Variants in PLB1 observed in about 807,000 individuals in gnomAD.
PLB1 encodes phospholipase B1, membrane-associated.
Under a neutral mutation model 227.4 loss-of-function variants are expected in PLB1, and 242 were observed. The ratio of observed to expected loss-of-function variants is 1.06; its 90% CI spans 0.96 to 1.18. The LOEUF is 1.18. Ranked by LOEUF, PLB1 falls within the 50% of genes most tolerant of loss-of-function variation. PLB1 has a pLI of 0.00. For synonymous variants in PLB1, 757 were observed against 682.2 expected, an observed-to-expected ratio of 1.11 and a Z score of -1.71; for missense variants, 1,858 against 1,816.3, an observed-to-expected ratio of 1.02 and a Z score of -0.42.
At chr2:28,547,796 T>C (rs1673527323) in intron 14 of PLB1, among the ~76,000 whole-genome samples, 1 of 152,218 alleles carries the variant, frequency 6.6e-6, no homozygotes, top group Non-Finnish European at 1.5e-5. Context: ...CTATTGCATT[T>C]TTCTTTGTAA....
intron 1 of PLB1, among the ~76,000 whole-genome samples, chr2:28,498,338 C>T (rs1379324986): frequency 2.0e-5 from 3 of 151,790 alleles, no homozygotes; most frequent in Non-Finnish European, 4.4e-5. Flanking sequence ...ATCCTCCCAC[C>T]TCAGCCTCCC....
At chr2:28,558,927 A>G (rs557230306) in intron 17 of PLB1, among the ~76,000 whole-genome samples, 1 of 152,216 alleles carries the variant, frequency 6.6e-6, no homozygotes, top group Non-Finnish European at 1.5e-5. Context: ...GTCTCACTAT[A>G]TTGCCCAGGC....
chr2:28,588,189 C>T (rs1469915907), intron 26 of PLB1, among the ~76,000 whole-genome samples: 1 of 152,206 alleles, frequency 6.6e-6, no homozygotes, highest in Non-Finnish European at 1.5e-5. Flanking sequence ...ACTCTACACA[C>T]TATTTCTTTC....
At chr2:28,611,718 C>A (rs982577839) in intron 43 of PLB1, among the ~76,000 whole-genome samples, 1 of 152,132 alleles carries the variant, frequency 6.6e-6, no homozygotes, top group African/African-American at 2.4e-5. Flanking sequence ...TCAGGGAATG[C>A]TTACTGTTAA....
chr2:28,638,833 A>G, intron 56 of PLB1, among the ~76,000 whole-genome samples: 1 of 151,084 alleles, frequency 6.6e-6, no homozygotes, highest in South Asian at 2.1e-4. Context: ...GATTGAAAAA[A>G]AAAAAAAAAA....
At chr2:28,602,357 C>T (rs1306270131) in intron 38 of PLB1, among the ~76,000 whole-genome samples, 3 of 152,198 alleles carry the variant, frequency 2.0e-5, no homozygotes, top group East Asian at 3.8e-4. Flanking sequence ...GCAGCACATT[C>T]CCCCTCCACC....
At chr2:28,601,474 C>CACACACAT in intron 37 of PLB1, 142 bp downstream of exon 37, 1 of 630,460 alleles carries the variant, frequency 1.6e-6, no homozygotes, top group Non-Finnish European at 2.8e-6. Context: ...ACATACCACA[C>CACACACAT]ACACACACAC....
At chr2:28,640,620 G>A (rs11679188) in intron 56 of PLB1, among the ~76,000 whole-genome samples, 47,020 of 152,048 alleles carry the variant, frequency 0.31, 7,577 homozygotes, top group Non-Finnish European at 0.36. Context: ...CAGCCCCTCC[G>A]CAGACTTCCT....
chr2:28,626,428 G>T lies in PLB1; in HGVS notation c.3580G>T (p.Asp1194Tyr). ...AACTCAGGATCTTCTGTCCCCTCAG[G>T]ACATCAACCTGGAGAAAGACTGGAA... Reference protein sequence around the residue: ...DLVERMKNSPDINLEKDWKLV... With the variant: ...DLVERMKNSPYINLEKDWKLV... Residue 1194 changes from aspartate (D) to tyrosine (Y), a missense_variant and splice_region_variant, in exon 51 of 58, where the codon GAC (aspartate) becomes TAC (tyrosine). Coordinates refer to ENST00000327757, the MANE Select transcript of PLB1 (RefSeq NM_153021.5). 2 of 1,613,910 alleles carry T rather than the reference G, an allele frequency of 1.2e-6. No individual in the cohort carries two copies. The highest frequency in any genetic ancestry group is 8.5e-7 in the Non-Finnish European group (1 of 1,179,786).
rs187379579 is a variant in PLB1 at position 28,592,970 on chromosome 2, T to C, written c.2247+251T>C. Among the ~76,000 whole-genome samples the C allele has an allele frequency of 1.7e-4, 26 of 152,366 alleles. No homozygotes were observed. The East Asian group carries it at 3.3e-3, about 19-fold the overall frequency. On this transcript the variant is annotated intron_variant, in intron 32 of 57. Coordinates refer to ENST00000327757, the MANE Select transcript of PLB1 (RefSeq NM_153021.5). ...AGATTTTGAACACCCAATAACACTT[T>C]TTTAATATATGTAAAAATATGTCAT...
intron 49 of PLB1, among the ~76,000 whole-genome samples, chr2:28,621,558 A>G (rs888783239): frequency 3.9e-5 from 6 of 152,224 alleles, no homozygotes; most frequent in Non-Finnish European, 7.3e-5. Context: ...AACAACTCAG[A>G]TAATTAAAGC....
intron 14 of PLB1, among the ~76,000 whole-genome samples, chr2:28,545,558 C>T (rs555174011): frequency 6.6e-6 from 1 of 152,108 alleles, no homozygotes; most frequent in Non-Finnish European, 1.5e-5. Flanking sequence ...TGAGGCAAGT[C>T]ACACGGTCTT....
At chr2:28,502,722 C>T (rs1443747731) in intron 1 of PLB1, among the ~76,000 whole-genome samples, 1 of 152,056 alleles carries the variant, frequency 6.6e-6, no homozygotes, top group Non-Finnish European at 1.5e-5. Context: ...GATTTGGGTA[C>T]CAATGTTTTA....
At chr2:28,535,840 A>C (rs1040009239) in intron 9 of PLB1, among the ~76,000 whole-genome samples, 2 of 152,118 alleles carry the variant, frequency 1.3e-5, no homozygotes, top group African/African-American at 4.8e-5. Context: ...AGAATCACTA[A>C]ACCCAGGAAG....
chr2:28,557,208 C>T (rs1675281509), intron 17 of PLB1, among the ~76,000 whole-genome samples: 1 of 152,174 alleles, frequency 6.6e-6, no homozygotes, highest in Admixed American at 6.5e-5. Context: ...TTTTCATCAT[C>T]TAAAACTTCG....
At chr2:28,545,421 A>C (rs1048021390) in intron 14 of PLB1, among the ~76,000 whole-genome samples, 2 of 152,170 alleles carry the variant, frequency 1.3e-5, no homozygotes, top group Admixed American at 6.5e-5. Flanking sequence ...GCTGGAACAC[A>C]TCAGAAGCTC....
chr2:28,581,514 T>G (rs1210137339), intron 23 of PLB1, among the ~76,000 whole-genome samples: 1 of 140,034 alleles, frequency 7.1e-6, no homozygotes, highest in Admixed American at 7.0e-5. Flanking sequence ...AATAAATAAA[T>G]AAATAAATAA....
At position 28,591,733 on chromosome 2, in the gene PLB1, GC is replaced by G; in HGVS notation, c.2165del (p.Pro722LeufsTer12). ...HGTWLPCRDR[A>X]PSALHPTSVH... ...GACCTGGCTGCCATGCAGGGACAGAGCCCCTTCTGCCTTGCACCCTACCTCA... is the reference window on the plus strand; with the variant it reads ...GACCTGGCTGCCATGCAGGGACAGAGCCCTTCTGCCTTGCACCCTACCTCA... On this transcript the variant is annotated frameshift_variant, in exon 31 of 58. Transcript: ENST00000327757. LOFTEE classifies it high-confidence loss of function. The G allele has an allele frequency of 1.2e-6, 2 of 1,613,964 alleles. No homozygotes were observed. The highest frequency in any genetic ancestry group is 1.7e-6 in the Non-Finnish European group (2 of 1,179,966).
At chr2:28,571,198 AAATT>A (rs1301020790) in intron 20 of PLB1, among the ~76,000 whole-genome samples, 4 of 152,256 alleles carry the variant, frequency 2.6e-5, no homozygotes, top group Admixed American at 1.3e-4. Context: ...TATGAAAATG[AAATT>A]AATTCCATTT....
Sources: gnomAD v4.1 joint callset for allele counts (sites outside exome capture counted in the v4.1 genomes callset) on GRCh38, gnomAD v4.1.1 for gene constraint, MANE v1.5 for transcripts, NCBI Gene and HGNC (gene_info 2026-07-23, HGNC 2026-07-21) for gene names.